Variants in MANEAL observed in about 807,000 individuals in gnomAD.
The protein encoded by MANEAL is glycoprotein endo-alpha-1,2-mannosidase-like protein.
In MANEAL, 28 loss-of-function variants were observed where a neutral mutation model predicts 35.9. The observed-to-expected ratio is 0.78, with a 90% CI of 0.58 to 1.07. MANEAL has a LOEUF of 1.07. Among genes scored for constraint, MANEAL ranks in the 50% least tolerant of loss-of-function variants. MANEAL has a pLI of 0.00. For synonymous variants in MANEAL, 286 were observed against 272.2 expected (o/e 1.05, Z -0.50); for missense variants, 576 against 629.6 (o/e 0.91, Z 0.91).
Position 37,794,413 on chromosome 1 carries a change from C to G in MANEAL, c.231C>G (p.Thr77=). Residue 77 remains threonine (T), a synonymous_variant, in exon 1 of 4, where the codon ACC becomes ACG. Transcript: ENST00000373045. This position sits in a 1 kb window ranked among gnomAD's most constrained non-coding sequence, Gnocchi z 5.7. ...CCCCGCCGCCGCCGCCGCCCCGCAC[C>G]GCGGACCCTGGCGGCTCCCCTGGGC... is the stretch of plus-strand genomic sequence containing the variant. ...APPPPPPPPR[T]ADPGGSPGPA... 2 of 1,324,486 alleles carry G rather than the reference C, an allele frequency of 1.5e-6. No homozygotes were observed. The highest frequency in any genetic ancestry group is 2.0e-6 in the Non-Finnish European group (2 of 1,025,388). The allele number at this position is 1,324,486 out of a possible 1,614,324, so 82.0% of individuals were successfully genotyped here.
chr1:37,794,119 G>C lies in MANEAL; in HGVS notation c.-64G>C, dbSNP rs938115019. ...GTCTGCCTGGGAAGCGCGCGGCCGG[G>C]CGGGCGGCCATGGCGCGGCACGCTG... On this transcript the variant is annotated 5_prime_UTR_variant, in exon 1 of 4. Coordinates refer to ENST00000373045, the MANE Select transcript of MANEAL (RefSeq NM_001113482.2). The surrounding 1 kb of genome is among the most constrained non-coding windows in gnomAD (Gnocchi z 5.7). 268 of 1,059,186 alleles carry C rather than the reference G, an allele frequency of 2.5e-4. 1 individual carries two copies. Among genetic ancestry groups the C allele is most frequent in the Non-Finnish European group, 3.0e-4 (261 of 872,622 alleles). 65.6% of individuals were successfully genotyped at this position (1,059,186 alleles called of 1,614,324 possible).
At chr1:37,798,158 C>CAA (rs1307437433) in intron 3 of MANEAL, among the ~76,000 whole-genome samples, 158 of 151,224 alleles carry the variant, frequency 1.0e-3, no homozygotes, top group African/African-American at 3.7e-3. Flanking sequence ...CTTAAAAAAA[C>CAA]AAACAAAAAA....
rs567822445 is a variant in MANEAL, at chr1:37,798,712, G to A, written c.738-855G>A. The stretch of plus-strand genomic sequence containing the variant: ...GGCACCACTGTACTCCAGCCTGGGC[G>A]ATACAGTGAGACTTAAGAATAAAAA... On this transcript the variant is annotated intron_variant, in intron 3 of 3. Coordinates refer to ENST00000373045, the MANE Select transcript of MANEAL (RefSeq NM_001113482.2). 4.6e-5 allele frequency among the ~76,000 whole-genome samples: 7 copies of A among 151,164 alleles called. No homozygotes were observed. The East Asian group carries it at 7.8e-4, about 17-fold the overall frequency.
chr1:37,799,738 G>C lies in MANEAL; in HGVS notation c.909G>C (p.Ala303=), dbSNP rs779950563. 3 of 1,614,070 alleles carry C rather than the reference G, an allele frequency of 1.9e-6. No homozygotes were observed. The African/African-American group carries it at 4.0e-5, about 22-fold the overall frequency. Residue 303 remains alanine, a synonymous_variant, in exon 4 of 4, where the codon GCG becomes GCC. Coordinates refer to ENST00000373045, the MANE Select transcript of MANEAL (RefSeq NM_001113482.2). This position sits in a 1 kb window ranked among gnomAD's most constrained non-coding sequence, Gnocchi z 4.1. ...CGCCCTACGATGGGGTCTTCATAGC[G>C]CTGCTGGTGGAGGAGGGCCACACCC... ...RNTPYDGVFI[A]LLVEEGHTHD...
Position 37,800,145 on chromosome 1 carries a change from AGCTGACACGCCGCTGG to A in MANEAL, c.1319_1334del (p.Leu440ArgfsTer41). The A allele has an allele frequency of 2.5e-6, 4 of 1,613,952 alleles. No homozygotes were observed. The highest frequency in any genetic ancestry group is 3.4e-6 in the Non-Finnish European group (4 of 1,180,022). On this transcript the variant is annotated frameshift_variant, in exon 4 of 4. Coordinates refer to ENST00000373045, the MANE Select transcript of MANEAL (RefSeq NM_001113482.2). LOFTEE classifies it high-confidence loss of function. ...CCTCACCAGCCCAGCCTGTACCTGG[AGCTGACACGCCGCTGG>A]GCGGAGCACTTCATCAAAGAGAAGG...
At position 37,794,133 on chromosome 1, in the gene MANEAL, C is replaced by A. The variant is rs1249109797; in HGVS notation, c.-50C>A. On this transcript the variant is annotated 5_prime_UTR_variant, in exon 1 of 4. Coordinates refer to ENST00000373045, the MANE Select transcript of MANEAL (RefSeq NM_001113482.2). The surrounding 1 kb of genome is among the most constrained non-coding windows in gnomAD (Gnocchi z 5.7). ...CGCGCGGCCGGGCGGGCGGCCATGGCGCGGCACGCTGGGAGGTAGCGCGGC... is the reference window on the plus strand; with the variant it reads ...CGCGCGGCCGGGCGGGCGGCCATGGAGCGGCACGCTGGGAGGTAGCGCGGC... The A allele has an allele frequency of 1.4e-5, 16 of 1,103,624 alleles. No individual in the cohort carries two copies. In the African/African-American group the frequency reaches 2.0e-4, roughly 14 times the overall value. The allele number at this position is 1,103,624 out of a possible 1,614,324, so 68.4% of individuals were successfully genotyped here.
At chr1:37,796,686 A>C in intron 2 of MANEAL, 58 bp from the exon 3 acceptor site, 1 of 1,469,084 alleles carries the variant, frequency 6.8e-7, no homozygotes, top group Non-Finnish European at 9.4e-7. Flanking sequence ...CCTGAGCCTG[A>C]TATGTTGTGG....
Position 37,794,609 on chromosome 1 carries a change from C to T in MANEAL, c.427C>T (p.Arg143Cys). ...CCCCAAGATCTCGGCCAGCTACCCC[C>T]GCGGCCGCCACAGCCCCCCAGACGA... ...WDPKISASYP[R>C]GRHSPPDDLG... is the part of the protein sequence containing the mutation. Residue 143 changes from arginine to cysteine, a missense_variant, in exon 1 of 4, where the codon CGC becomes TGC. Physicochemically the swap from Arg to Cys is radical, Grantham distance 180. This residue lies in a region of MANEAL where 449 missense variants were observed against 516.1 expected (regional missense o/e 0.87). Transcript: ENST00000373045. This position sits in a 1 kb window ranked among gnomAD's most constrained non-coding sequence, Gnocchi z 5.7. 3.1e-6 allele frequency: 5 copies of T among 1,611,294 alleles called. No homozygotes were observed. Among genetic ancestry groups the T allele is most frequent in the Non-Finnish European group, 4.2e-6 (5 of 1,179,500 alleles).
chr1:37,800,376 T>C lies in MANEAL; in HGVS notation c.*173T>C. On this transcript the variant is annotated 3_prime_UTR_variant, in exon 4 of 4. Transcript: ENST00000373045. ...GCCTGTGCAACACAGAGCCCGTTCC[T>C]CAGGCGAGTGGTGCTGAGGTGCTCT... The C allele has an allele frequency of 1.3e-6, 1 of 747,660 alleles. No homozygotes were observed. Among genetic ancestry groups the C allele is most frequent in the Non-Finnish European group, 2.1e-6 (1 of 469,620 alleles). The allele number at this position is 747,660 out of a possible 1,614,324, so 46.3% of individuals were successfully genotyped here. A position where few individuals can be genotyped will look rare whatever the true frequency, so the allele number is the denominator to read the frequency against.
chr1:37,794,699 G>A lies in MANEAL; in HGVS notation c.517G>A (p.Glu173Lys), dbSNP rs749699069. The A allele has an allele frequency of 1.9e-6, 3 of 1,603,710 alleles. No individual in the cohort carries two copies. The East Asian group carries it at 6.7e-5, about 36-fold the overall frequency. ...CTCCCGGGACCCCGAAGTGCTGCGG[G>A]AGCATATGACCCAGCTCAAGGAAGC... ...YSSRDPEVLR[E>K]HMTQLKEAAI... The change falls in exon 1 of 4, where the codon GAG becomes AAG. Residue 173 changes from glutamate (E) to lysine (K), a missense_variant. Glu to Lys is a moderately conservative substitution (Grantham distance 56, BLOSUM62 1). This residue lies in a region of MANEAL where 449 missense variants were observed against 516.1 expected (regional missense o/e 0.87). Coordinates refer to ENST00000373045, the MANE Select transcript of MANEAL (RefSeq NM_001113482.2). This position sits in a 1 kb window ranked among gnomAD's most constrained non-coding sequence, Gnocchi z 5.7.
chr1:37,799,654 G>A lies in MANEAL; in HGVS notation c.825G>A (p.Thr275=), dbSNP rs746023280. Residue 275 remains threonine (T), a synonymous_variant, in exon 4 of 4, where the codon ACG becomes ACA. Transcript: ENST00000373045. This position sits in a 1 kb window ranked among gnomAD's most constrained non-coding sequence, Gnocchi z 4.1. ...TTTATATCTACGACTCATACCTGAC[G>A]TCCCCTGAGGCCTGGGCCCACCTCC... ...PLFYIYDSYL[T]SPEAWAHLLT... 5.9e-5 allele frequency: 96 copies of A among 1,613,970 alleles called. No individual in the cohort carries two copies. The highest frequency in any genetic ancestry group is 7.8e-5 in the Non-Finnish European group (92 of 1,180,026).
intron 3 of MANEAL, among the ~76,000 whole-genome samples, chr1:37,798,202 C>T (rs1312681178): frequency 1.3e-5 from 2 of 152,090 alleles, no homozygotes; most frequent in Non-Finnish European, 2.9e-5. Context: ...TGTGTCCAGG[C>T]ACTGACTTAA....
At position 37,794,280 on chromosome 1, in the gene MANEAL, A is replaced by G; in HGVS notation, c.98A>G (p.Asp33Gly). The stretch of plus-strand genomic sequence containing the variant: ...GGTCTGCGCACGCTCAAGGCTCCGG[A>G]CGGACTCCCGGCGCTGGGCCCGGGC... The part of the protein sequence containing the change: ...LMGLRTLKAP[D>G]GLPALGPGLE... Residue 33 changes from aspartate (D) to glycine (G), a missense_variant, in exon 1 of 4, where the codon GAC becomes GGC. Asp to Gly is a moderately conservative substitution (Grantham distance 94). This residue lies in a region of MANEAL where 122 missense variants were observed against 97.2 expected (regional missense o/e 1.26). Transcript: ENST00000373045. This position sits in a 1 kb window ranked among gnomAD's most constrained non-coding sequence, Gnocchi z 5.7. 7.1e-6 allele frequency: 9 copies of G among 1,260,916 alleles called. 1 individual carries two copies. Among genetic ancestry groups the G allele is most frequent in the Non-Finnish European group, 7.1e-6 (7 of 989,356 alleles). The allele number at this position is 1,260,916 out of a possible 1,614,324, so 78.1% of individuals were successfully genotyped here. A position where few individuals can be genotyped will look rare whatever the true frequency, so the allele number is the denominator to read the frequency against.
rs930095243 is a variant in MANEAL, at chr1:37,800,370, C to T, written c.*167C>T. The T allele has an allele frequency of 3.1e-5, 24 of 779,798 alleles. No homozygotes were observed. The highest frequency in any genetic ancestry group is 4.2e-5 in the Non-Finnish European group (21 of 498,724). The allele number at this position is 779,798 out of a possible 1,614,324, so 48.3% of individuals were successfully genotyped here. A position where few individuals can be genotyped will look rare whatever the true frequency, so the allele number is the denominator to read the frequency against. ...GCATGGGCCTGTGCAACACAGAGCC[C>T]GTTCCTCAGGCGAGTGGTGCTGAGG... is the stretch of plus-strand genomic sequence containing the variant. On this transcript the variant is annotated 3_prime_UTR_variant, in exon 4 of 4. Coordinates refer to ENST00000373045, the MANE Select transcript of MANEAL (RefSeq NM_001113482.2).
intron 3 of MANEAL, among the ~76,000 whole-genome samples, chr1:37,798,163 A>C (rs544184214): frequency 6.0e-4 from 90 of 149,472 alleles, no homozygotes; most frequent in Non-Finnish European, 9.1e-4. Flanking sequence ...AAAAACAAAC[A>C]AAAAAAAAGA....
Position 37,800,961 on chromosome 1 carries a change from T to C in MANEAL, c.*758T>C, listed in dbSNP as rs1646693221. 6.6e-6 allele frequency: 1 copy of C among 152,634 alleles called. No individual in the cohort carries two copies. The highest frequency in any genetic ancestry group is 6.5e-5 in the Admixed American group (1 of 15,280). The allele number at this position is 152,634 out of a possible 1,614,324, so 9.5% of individuals were successfully genotyped here. ...TTCAGTTCTTTTTCCTCTAGAAAAA[T>C]ACCTCTGTGCTCCAGAGCCTAATTT... is the stretch of plus-strand genomic sequence containing the variant. On this transcript the variant is annotated 3_prime_UTR_variant, in exon 4 of 4. Coordinates refer to ENST00000373045, the MANE Select transcript of MANEAL (RefSeq NM_001113482.2).
In MANEAL at chr1:37,794,213, G is replaced by T; in HGVS notation, c.31G>T (p.Ala11Ser). MARRRRRACI[A>S]LFLVLLFAFG... ...CCGGCGGCGGCGCCGCGCCTGCATCGCTCTGTTCCTGGTGCTGCTCTTCGC... is the reference window on the plus strand; with the variant it reads ...CCGGCGGCGGCGCCGCGCCTGCATCTCTCTGTTCCTGGTGCTGCTCTTCGC... The change falls in exon 1 of 4, where the codon GCT (alanine) becomes TCT (serine). Residue 11 changes from alanine to serine, a missense_variant. Around this residue, in one of 3 missense-constraint regions of MANEAL, gnomAD observed 122 missense variants for 97.2 expected, o/e 1.26. Coordinates refer to ENST00000373045, the MANE Select transcript of MANEAL (RefSeq NM_001113482.2). The surrounding 1 kb of genome is among the most constrained non-coding windows in gnomAD (Gnocchi z 5.7). 1 of 1,313,598 alleles carries T rather than the reference G, an allele frequency of 7.6e-7. No individual in the cohort carries two copies. 81.4% of individuals were successfully genotyped at this position (1,313,598 alleles called of 1,614,324 possible).
rs1340805088 is a variant in MANEAL at position 37,794,713 on chromosome 1, G to A, written c.531G>A (p.Gln177=). Residue 177 remains glutamine (Q), a synonymous_variant, in exon 1 of 4, where the codon CAG becomes CAA. Coordinates refer to ENST00000373045, the MANE Select transcript of MANEAL (RefSeq NM_001113482.2). This position sits in a 1 kb window ranked among gnomAD's most constrained non-coding sequence, Gnocchi z 5.7. Reference sequence around the variant, plus strand: ...AAGTGCTGCGGGAGCATATGACCCAGCTCAAGGAAGCCGCCATCGGTGAGC... The same window carrying A: ...AAGTGCTGCGGGAGCATATGACCCAACTCAAGGAAGCCGCCATCGGTGAGC... ...DPEVLREHMT[Q]LKEAAIGVLV... The A allele has an allele frequency of 6.3e-7, 1 of 1,579,540 alleles. No homozygotes were observed. Among genetic ancestry groups the A allele is most frequent in the East Asian group, 2.3e-5 (1 of 44,256 alleles).
rs760683774 is a variant in MANEAL, at chr1:37,800,116, C to T, written c.1287C>T (p.Tyr429=). The T allele has an allele frequency of 4.3e-6, 7 of 1,613,918 alleles. No homozygotes were observed. In the Admixed American group the frequency reaches 5.0e-5, roughly 12 times the overall value. Residue 429 remains tyrosine, a synonymous_variant, in exon 4 of 4, where the codon TAC becomes TAT. Coordinates refer to ENST00000373045, the MANE Select transcript of MANEAL (RefSeq NM_001113482.2). Reference sequence around the variant, plus strand: ...CACCCACCCGCCTGTATTTGGACTACCTGCCTCACCAGCCCAGCCTGTACC... The same window carrying T: ...CACCCACCCGCCTGTATTTGGACTATCTGCCTCACCAGCCCAGCCTGTACC... ...KKTPTRLYLD[Y]LPHQPSLYLE...
Sources: gnomAD v4.1 joint callset for allele counts (sites outside exome capture counted in the v4.1 genomes callset) on GRCh38, gnomAD v4.1.1 for gene constraint, gnomAD v4.1.1 regional missense constraint, Gnocchi (gnomAD v3.1) non-coding constraint, MANE v1.5 for transcripts, NCBI Gene and HGNC (gene_info 2026-07-23, HGNC 2026-07-21) for gene names.